The following CADM2 variants were observed in gnomAD, a reference collection of about 807,000 sequenced individuals.
CADM2 encodes the protein immunoglobulin superfamily member 4D.
A neutral mutation model predicts 49.8 loss-of-function variants in CADM2; 12 were observed. That is an observed-to-expected ratio of 0.24 (90% confidence interval 0.15 to 0.39). The LOEUF (loss-of-function observed/expected upper bound fraction) is 0.39. Ranked by LOEUF, CADM2 falls within the 10% of genes least tolerant of loss-of-function variation. The probability of loss-of-function intolerance (pLI) is 1.00; values close to 1 mark genes in which losing one functional copy is unlikely to be tolerated. For missense variants in CADM2, 378 were observed against 492.3 expected, an observed-to-expected ratio of 0.77 and a Z score of 2.20; for synonymous variants, 214 against 175.4, an observed-to-expected ratio of 1.22 and a Z score of -1.74.
chr3:86,010,499 C>G (rs534371384), intron 8 of CADM2, among the ~76,000 whole-genome samples: 1 of 151,220 alleles, frequency 6.6e-6, no homozygotes, highest in East Asian at 1.9e-4. Context: ...TTAGGAATAA[C>G]CTCTTGAGAC....
chr3:85,719,786 T>C (rs964821416), intron 1 of CADM2, among the ~76,000 whole-genome samples: 1 of 152,152 alleles, frequency 6.6e-6, no homozygotes, highest in Non-Finnish European at 1.5e-5. Flanking sequence ...CAGGAAAACA[T>C]CCAAGTTTTA....
chr3:85,759,445 T>C (rs772233277), intron 2 of CADM2, among the ~76,000 whole-genome samples: 2 of 152,126 alleles, frequency 1.3e-5, no homozygotes, highest in Admixed American at 6.6e-5. Flanking sequence ...TGTATGATAT[T>C]GCATAAGCAA....
chr3:85,179,201 C>A (rs2040861896), intron 1 of CADM2, among the ~76,000 whole-genome samples: 1 of 151,922 alleles, frequency 6.6e-6, no homozygotes, highest in Admixed American at 6.6e-5. Context: ...TTATAATTTT[C>A]TGACTGTCTT....
intron 7 of CADM2, among the ~76,000 whole-genome samples, chr3:85,948,573 T>G (rs557690416): frequency 6.6e-6 from 1 of 151,480 alleles, no homozygotes; most frequent in African/African-American, 2.4e-5. Context: ...CCTTAGCCAC[T>G]TACTCAAAAA....
At chr3:85,861,755 T>C (rs904235198) in intron 3 of CADM2, among the ~76,000 whole-genome samples, 7 of 152,144 alleles carry the variant, frequency 4.6e-5, no homozygotes, top group African/African-American at 1.4e-4. Flanking sequence ...AAGACACATA[T>C]GGTTCTTGGC....
At chr3:85,329,427 G>T (rs971602481) in intron 1 of CADM2, among the ~76,000 whole-genome samples, 1 of 151,000 alleles carries the variant, frequency 6.6e-6, no homozygotes, top group African/African-American at 2.4e-5. Context: ...ACAATTAGCC[G>T]GGCATGGTGG....
At chr3:85,186,235 C>T (rs906304362) in intron 1 of CADM2, among the ~76,000 whole-genome samples, 3 of 151,986 alleles carry the variant, frequency 2.0e-5, no homozygotes, top group Admixed American at 1.3e-4. Context: ...AGACAAATTC[C>T]TCTGAAATTA....
At chr3:85,231,460 A>G (rs1440341069) in intron 1 of CADM2, among the ~76,000 whole-genome samples, 3 of 152,182 alleles carry the variant, frequency 2.0e-5, no homozygotes, top group East Asian at 3.9e-4. Flanking sequence ...GAGGATGGAT[A>G]TAAGAGAAAA....
chr3:85,089,241 C>T (rs1178296417), intron 1 of CADM2, among the ~76,000 whole-genome samples: 2 of 152,008 alleles, frequency 1.3e-5, no homozygotes, highest in African/African-American at 2.4e-5. Flanking sequence ...GTTCTTCAAG[C>T]ATTTTTATTT....
chr3:85,165,405 A>T (rs1289061983), intron 1 of CADM2, among the ~76,000 whole-genome samples: 1 of 151,968 alleles, frequency 6.6e-6, no homozygotes, highest in Non-Finnish European at 1.5e-5. Context: ...ACGCACTTAA[A>T]AAAGGTCCCA....
chr3:85,747,236 C>T (rs530994874), intron 2 of CADM2, among the ~76,000 whole-genome samples: 1 of 151,930 alleles, frequency 6.6e-6, no homozygotes, highest in Admixed American at 6.6e-5. Flanking sequence ...TTTTCTTTTA[C>T]TCATGCATTC....
At position 86,074,301 on chromosome 3, in the gene CADM2, C is replaced by T. The variant is rs1471340465; in HGVS notation, c.*7518C>T. 2.6e-5 allele frequency: 4 copies of T among 151,750 alleles called. No homozygotes were observed. Among genetic ancestry groups the T allele is most frequent in the Non-Finnish European group, 5.9e-5 (4 of 67,854 alleles). 9.4% of individuals were successfully genotyped at this position (151,750 alleles called of 1,614,324 possible). A position where few individuals can be genotyped will look rare whatever the true frequency, so the allele number is the denominator to read the frequency against. ...CACTTACCATAAAGTATTTTATAGT[C>T]TACTTTAAATAACAGATTTTGTTAC... On this transcript the variant is annotated 3_prime_UTR_variant, in exon 10 of 10. Transcript: ENST00000383699.
intron 8 of CADM2, among the ~76,000 whole-genome samples, chr3:85,997,229 A>C (rs1729541046): frequency 6.6e-6 from 1 of 152,248 alleles, no homozygotes; most frequent in African/African-American, 2.4e-5. Flanking sequence ...ACACAAACAT[A>C]ATTGCCTGAG....
chr3:85,713,961 G>A (rs2067200221), intron 1 of CADM2, among the ~76,000 whole-genome samples: 3 of 152,148 alleles, frequency 2.0e-5, no homozygotes, highest in Non-Finnish European at 4.4e-5. Context: ...TTGATACGGT[G>A]GCTTTATGCA....
In CADM2 at chr3:85,588,380, A is replaced by AC. The variant is rs539128697; in HGVS notation, c.62-138138dup. On this transcript the variant is annotated intron_variant, in intron 1 of 9. Coordinates refer to ENST00000383699, the MANE Select transcript of CADM2 (RefSeq NM_001167675.2). ...CTAGTTGATTGGAGGGAAAATACTC[A>AC]CCCCACATTGACAGTTAAGTTTATG... Among the ~76,000 whole-genome samples the AC allele has an allele frequency of 1.1e-3, 170 of 152,086 alleles. 1 individual carries two copies. Among genetic ancestry groups the AC allele is most frequent in the African/African-American group, 3.9e-3 (163 of 41,504 alleles).
At chr3:85,266,097 G>T (rs975164220) in intron 1 of CADM2, among the ~76,000 whole-genome samples, 2 of 151,760 alleles carry the variant, frequency 1.3e-5, no homozygotes, top group South Asian at 4.1e-4. Flanking sequence ...TAAATGTCTC[G>T]ATTCTTCATC....
At chr3:85,837,249 T>C (rs1406732368) in intron 3 of CADM2, among the ~76,000 whole-genome samples, 5 of 151,598 alleles carry the variant, frequency 3.3e-5, no homozygotes, top group Non-Finnish European at 7.4e-5. Context: ...TTGAAATGTA[T>C]AAATGCCACT....
chr3:85,725,771 G>A (rs1428339694), intron 1 of CADM2, among the ~76,000 whole-genome samples: 1 of 151,960 alleles, frequency 6.6e-6, no homozygotes, highest in African/African-American at 2.4e-5. Context: ...ATGTTTATGT[G>A]TCAACCAAGT....
chr3:85,016,982 A>T (rs1468950399), intron 1 of CADM2, among the ~76,000 whole-genome samples: 1 of 152,160 alleles, frequency 6.6e-6, no homozygotes, highest in Non-Finnish European at 1.5e-5. Flanking sequence ...GCTTGAAATA[A>T]ATGAAATCCA....
Sources: gnomAD v4.1 joint callset for allele counts (sites outside exome capture counted in the v4.1 genomes callset) on GRCh38, gnomAD v4.1.1 for gene constraint, MANE v1.5 for transcripts, NCBI Gene and HGNC (gene_info 2026-07-23, HGNC 2026-07-21) for gene names.